Variants in IQCJ observed in about 807,000 individuals in gnomAD.
The protein encoded by IQCJ is IQ domain-containing protein J.
A neutral mutation model predicts 11.0 loss-of-function variants in IQCJ; 9 were observed. The ratio of observed to expected loss-of-function variants is 0.82; its 90% CI spans 0.49 to 1.43. The LOEUF is 1.43. Among genes scored for constraint, IQCJ ranks in the 40% most tolerant of loss-of-function variants. The pLI is 0.00. For missense variants in IQCJ, 146 were observed against 133.2 expected (o/e 1.10, Z -0.47); for synonymous variants, 55 against 51.3 (o/e 1.07, Z -0.31).
At chr3:159,243,708 A>G (rs1727073050) in intron 1 of IQCJ, among the ~76,000 whole-genome samples, 1 of 152,056 alleles carries the variant, frequency 6.6e-6, no homozygotes, top group African/African-American at 2.4e-5. Flanking sequence ...ATTTGATAAA[A>G]CTCACTGTAT....
At chr3:159,105,949 G>A (rs1048102727) in intron 1 of IQCJ, among the ~76,000 whole-genome samples, 1 of 152,024 alleles carries the variant, frequency 6.6e-6, no homozygotes, top group African/African-American at 2.4e-5. Flanking sequence ...GGCTGATAAG[G>A]GAAAAAAGAG....
At chr3:159,087,682 C>G (rs1040297802) in intron 1 of IQCJ, among the ~76,000 whole-genome samples, 13 of 144,248 alleles carry the variant, frequency 9.0e-5, no homozygotes, top group Non-Finnish European at 1.4e-4. Context: ...TCCATTTCTT[C>G]TAGATTTTCT....
intron 1 of IQCJ, among the ~76,000 whole-genome samples, chr3:159,201,040 A>G (rs1218807756): frequency 6.6e-6 from 1 of 152,212 alleles, no homozygotes; most frequent in African/African-American, 2.4e-5. Flanking sequence ...AAAGAAGTAA[A>G]GAAGTATATG....
At chr3:159,261,416 C>G (rs1728197400) in intron 3 of IQCJ, among the ~76,000 whole-genome samples, 1 of 152,180 alleles carries the variant, frequency 6.6e-6, no homozygotes, top group Non-Finnish European at 1.5e-5. Context: ...GTGTCCCTAC[C>G]CAAATCTCAC....
intron 1 of IQCJ, among the ~76,000 whole-genome samples, chr3:159,079,957 T>A (rs565922374): frequency 6.6e-6 from 1 of 152,230 alleles, no homozygotes; most frequent in South Asian, 2.1e-4. Flanking sequence ...TCCAGTTAAA[T>A]TTGCCAATTT....
chr3:159,239,872 G>C (rs1225866375), intron 1 of IQCJ, among the ~76,000 whole-genome samples: 1 of 152,134 alleles, frequency 6.6e-6, no homozygotes, highest in Non-Finnish European at 1.5e-5. Context: ...TAGCCCAGGA[G>C]CAATAGGCTG....
chr3:159,169,279 C>CTTTTTTTTTTTT (rs141888128), intron 1 of IQCJ, among the ~76,000 whole-genome samples: 39 of 56,374 alleles, frequency 6.9e-4, no homozygotes, highest in East Asian at 1.7e-3. Context: ...TTCTTTCTTT[C>CTTTTTTTTTTTT]TTTTTTTTTT....
At chr3:159,166,359 A>G (rs868837768) in intron 1 of IQCJ, among the ~76,000 whole-genome samples, 4 of 152,252 alleles carry the variant, frequency 2.6e-5, no homozygotes, top group African/African-American at 9.6e-5. Context: ...AGCATAACAC[A>G]TAACAGTTAG....
intron 1 of IQCJ, among the ~76,000 whole-genome samples, chr3:159,112,639 T>C (rs1718703579): frequency 6.6e-6 from 1 of 152,130 alleles, no homozygotes; most frequent in South Asian, 2.1e-4. Context: ...GCCCCTGCAG[T>C]GTGACAGACC....
At chr3:159,186,512 T>C (rs1213732170) in intron 1 of IQCJ, among the ~76,000 whole-genome samples, 2 of 152,150 alleles carry the variant, frequency 1.3e-5, no homozygotes, top group African/African-American at 4.8e-5. Flanking sequence ...TTGAACCCCT[T>C]ATGCATCTGT....
chr3:159,122,469 C>G (rs1227148564), intron 1 of IQCJ, among the ~76,000 whole-genome samples: 1 of 152,152 alleles, frequency 6.6e-6, no homozygotes, highest in African/African-American at 2.4e-5. Context: ...CTTGACTTCC[C>G]TCGCACATTT....
chr3:159,223,379 A>T (rs373017555), intron 1 of IQCJ, among the ~76,000 whole-genome samples: 1 of 152,186 alleles, frequency 6.6e-6, no homozygotes. Context: ...AGTATAATAT[A>T]TGTAAAAATG....
chr3:159,237,288 A>G (rs1159932990), intron 1 of IQCJ, among the ~76,000 whole-genome samples: 1 of 152,182 alleles, frequency 6.6e-6, no homozygotes, highest in African/African-American at 2.4e-5. Flanking sequence ...AGGAGGAAAA[A>G]TAAAAAACAA....
chr3:159,191,375 A>G (rs888058494), intron 1 of IQCJ, among the ~76,000 whole-genome samples: 2 of 152,116 alleles, frequency 1.3e-5, no homozygotes, highest in African/African-American at 4.8e-5. Context: ...ACCTAAGATG[A>G]TTTTGTCTAA....
intron 1 of IQCJ, among the ~76,000 whole-genome samples, chr3:159,113,204 G>C (rs1718741340): frequency 6.6e-6 from 1 of 152,204 alleles, no homozygotes; most frequent in Admixed American, 6.5e-5. Flanking sequence ...TATAGTCTTA[G>C]AATAAAAATA....
chr3:159,245,976 G>A (rs762935310), intron 2 of IQCJ, 69 bp downstream of exon 2: 20 of 1,239,252 alleles, frequency 1.6e-5, no homozygotes, highest in East Asian at 2.6e-5. Context: ...AAATCTTTCT[G>A]GTAAAAATAA....
At chr3:159,130,189 A>T (rs551655235) in intron 1 of IQCJ, among the ~76,000 whole-genome samples, 1 of 152,156 alleles carries the variant, frequency 6.6e-6, no homozygotes, top group African/African-American at 2.4e-5. Flanking sequence ...AACTTTTAAT[A>T]TGAAATTTTC....
chr3:159,154,096 TC>T (rs1326544620), intron 1 of IQCJ, among the ~76,000 whole-genome samples: 1 of 152,202 alleles, frequency 6.6e-6, no homozygotes, highest in African/African-American at 2.4e-5. Flanking sequence ...ACCTTAAAGT[TC>T]CTTTAAAAAG....
intron 1 of IQCJ, among the ~76,000 whole-genome samples, chr3:159,078,719 C>A (rs1434078931): frequency 6.6e-6 from 1 of 152,098 alleles, no homozygotes; most frequent in Non-Finnish European, 1.5e-5. Flanking sequence ...GAATTATAAA[C>A]ATCCTAATTT....
Sources: allele counts gnomAD v4.1 joint callset (sites outside exome capture counted in the v4.1 genomes callset), GRCh38; gene constraint gnomAD v4.1.1; transcripts MANE v1.5; gene names NCBI Gene and HGNC (gene_info 2026-07-23, HGNC 2026-07-21).